Variants in NOL8 observed in about 807,000 individuals in gnomAD.
NOL8 encodes nucleolar protein 8, also known as nucleolar protein Nop132.
Under a neutral mutation model 116.1 loss-of-function variants are expected in NOL8, and 93 were observed. That is an observed-to-expected ratio of 0.80 (90% CI 0.68 to 0.95). NOL8 has a LOEUF of 0.95. Among genes scored for constraint, NOL8 ranks in the 40% least tolerant of loss-of-function variants. The probability of loss-of-function intolerance (pLI) is 0.00; values close to 1 mark genes in which losing one functional copy is unlikely to be tolerated. For missense variants in NOL8, 1,291 were observed against 1,382.8 expected (o/e 0.93, Z 1.05); for synonymous variants, 419 against 469.0 (o/e 0.89, Z 1.38).
rs1436673983 is a variant in NOL8 at position 92,297,720 on chromosome 9, G to A, written c.*116C>T. 13 of 743,100 alleles carry A rather than the reference G, an allele frequency of 1.7e-5. No individual in the cohort carries two copies. Among genetic ancestry groups the A allele is most frequent in the Non-Finnish European group, 2.8e-5 (13 of 465,202 alleles). The allele number at this position is 743,100 out of a possible 1,614,324, so 46.0% of individuals were successfully genotyped here. ...AACCAGAATGATATTCCGTCAGCCA[G>A]ATTTTTAAAATTCCTTCACTCTGAA... is the stretch of plus-strand genomic sequence containing the variant. On this transcript the variant is annotated 3_prime_UTR_variant, in exon 17 of 17. Transcript: ENST00000442668.
chr9:92,317,099 T>C (rs1291905505), intron 6 of NOL8, among the ~76,000 whole-genome samples: 1 of 152,174 alleles, frequency 6.6e-6, no homozygotes, highest in Non-Finnish European at 1.5e-5. Context: ...ACCACAGGCA[T>C]GTGCCACCGG....
chr9:92,320,654 T>C (rs1487397066), intron 4 of NOL8, among the ~76,000 whole-genome samples: 3 of 152,056 alleles, frequency 2.0e-5, no homozygotes, highest in Non-Finnish European at 4.4e-5. Context: ...TTGCCCAGGC[T>C]GGAGTGCAAT....
chr9:92,304,325 T>C (rs922566844), intron 12 of NOL8, among the ~76,000 whole-genome samples: 2 of 152,238 alleles, frequency 1.3e-5, no homozygotes, highest in Non-Finnish European at 2.9e-5. Context: ...GTACCTATAG[T>C]GGTTATCCAA....
At chr9:92,316,268 T>G (rs1011744526) in intron 6 of NOL8, 130 bp from the exon 7 acceptor site, 7 of 1,008,528 alleles carry the variant, frequency 6.9e-6, no homozygotes, top group Non-Finnish European at 8.5e-6. Flanking sequence ...TAAAAGAAAA[T>G]GAGGACTTAA....
chr9:92,316,242 C>G (rs1564236432), intron 6 of NOL8, 104 bp from the exon 7 acceptor site: 7 of 1,244,872 alleles, frequency 5.6e-6, no homozygotes, highest in South Asian at 1.6e-5. Context: ...CATTTCCCCC[C>G]CCTTTCAGTT....
intron 8 of NOL8, 22 bp from the exon 9 acceptor site, chr9:92,310,697 A>G: frequency 1.9e-6 from 3 of 1,585,690 alleles, no homozygotes; most frequent in Middle Eastern, 3.4e-4. Flanking sequence ...CACAACATTT[A>G]TTAATAGCAG....
intron 10 of NOL8, among the ~76,000 whole-genome samples, chr9:92,309,586 G>A (rs752561377): frequency 1.3e-5 from 2 of 152,088 alleles, no homozygotes; most frequent in African/African-American, 2.4e-5. Context: ...GAGGTAAGGT[G>A]TTTTTAAAAG....
Position 92,298,344 on chromosome 9 carries a change from G to A in NOL8, c.3374-8C>T, listed in dbSNP as rs1378939747. ...TCCAGAATAAGTCAGAACCTATTAGGGGAAAAAGAAGAAAGATGAGGCAGC... is the reference window on the plus strand; with the variant it reads ...TCCAGAATAAGTCAGAACCTATTAGAGGAAAAAGAAGAAAGATGAGGCAGC... On this transcript the variant is annotated splice_polypyrimidine_tract_variant and splice_region_variant and intron_variant, in intron 15 of 16. Coordinates refer to ENST00000442668, the MANE Select transcript of NOL8 (RefSeq NM_017948.6). The A allele has an allele frequency of 6.3e-7, 1 of 1,581,170 alleles. No individual in the cohort carries two copies. The highest frequency in any genetic ancestry group is 1.2e-5 in the South Asian group (1 of 85,790).
At chr9:92,299,801 T>G (rs745868958) in intron 14 of NOL8, 89 bp downstream of exon 14, 84 of 1,347,486 alleles carry the variant, frequency 6.2e-5, no homozygotes, top group Non-Finnish European at 8.2e-5. Flanking sequence ...TTAGTTGTCA[T>G]GTGAAGAGAA....
At chr9:92,299,736 A>C (rs893095321) in intron 14 of NOL8, among the ~76,000 whole-genome samples, 154 bp downstream of exon 14, 3 of 151,936 alleles carry the variant, frequency 2.0e-5, no homozygotes, top group Non-Finnish European at 4.4e-5. Flanking sequence ...TGGGCGACAG[A>C]GCAACACTCC....
Position 92,324,074 on chromosome 9 carries a change from T to C in NOL8, c.88A>G (p.Arg30Gly). The change falls in exon 2 of 17, where the codon AGA becomes GGA. Residue 30 changes from arginine (R) to glycine (G), a missense_variant. By Grantham distance (125) the Arg-to-Gly change is moderately radical (BLOSUM62 -2). Transcript: ENST00000442668. ...TCCACATCCGAAACTTCTCCAAATC[T>C]GCTGAACTGATTTTGTAGGTCTGCC... ...SEADLQNQFS[R>G]FGEVSDVEII... 6.2e-7 allele frequency: 1 copy of C among 1,614,054 alleles called. No individual in the cohort carries two copies. Among genetic ancestry groups the C allele is most frequent in the Non-Finnish European group, 8.5e-7 (1 of 1,179,886 alleles).
At chr9:92,317,861 C>T (rs995103880) in intron 6 of NOL8, among the ~76,000 whole-genome samples, 2 of 151,114 alleles carry the variant, frequency 1.3e-5, no homozygotes, top group Non-Finnish European at 3.0e-5. Flanking sequence ...GGTGAAACCC[C>T]GTCTCTAGTA....
At chr9:92,300,639 C>A in intron 13 of NOL8, 12 of 1,011,730 alleles carry the variant, frequency 1.2e-5, no homozygotes, top group Non-Finnish European at 1.4e-5. Context: ...TTACATCATG[C>A]CAACTCTACT....
chr9:92,324,375 A>C (rs1840251078), intron 1 of NOL8, 166 bp from the exon 2 acceptor site: 10 of 530,814 alleles, frequency 1.9e-5, no homozygotes, highest in Middle Eastern at 1.0e-3. Context: ...CCCTACATCC[A>C]CATCTTTCAT....
In NOL8 at chr9:92,311,212, G is replaced by A. The variant is rs1233395592; in HGVS notation, c.2406C>T (p.Asp802=). ...DKPTHIIFGS[D]SECETEETST... is the part of the protein sequence containing the mutation. ...ATGTCTCCTCTGTTTCACATTCACT[G>A]TCAGAACCGAAGATGATGTGCGTTG... Residue 802 remains aspartate, a synonymous_variant, in exon 8 of 17, where the codon GAC becomes GAT. Transcript: ENST00000442668. The A allele has an allele frequency of 1.2e-6, 2 of 1,613,864 alleles. No homozygotes were observed. The highest frequency in any genetic ancestry group is 1.1e-5 in the South Asian group (1 of 91,060).
intron 10 of NOL8, among the ~76,000 whole-genome samples, chr9:92,309,475 T>C (rs558635422): frequency 1.3e-5 from 2 of 151,544 alleles, no homozygotes; most frequent in Non-Finnish European, 2.9e-5. Flanking sequence ...AGGATTAAAA[T>C]GCAGATTAGA....
At position 92,311,145 on chromosome 9, in the gene NOL8, C is replaced by G. The variant is rs1838742990; in HGVS notation, c.2472+1G>C. 8.7e-6 allele frequency: 14 copies of G among 1,609,148 alleles called. No homozygotes were observed. The highest frequency in any genetic ancestry group is 1.2e-5 in the Non-Finnish European group (14 of 1,175,822). On this transcript the variant is annotated splice_donor_variant, in intron 8 of 16. Coordinates refer to ENST00000442668, the MANE Select transcript of NOL8 (RefSeq NM_017948.6). LOFTEE classifies it high-confidence loss of function. ...CCACAGAGACATCCTGAACTTCTTACTTTCACCCATTCCTCTCCTGGATGG... is the reference window on the plus strand; with the variant it reads ...CCACAGAGACATCCTGAACTTCTTAGTTTCACCCATTCCTCTCCTGGATGG...
At position 92,315,870 on chromosome 9, in the gene NOL8, T is replaced by C. The variant is rs1839352589; in HGVS notation, c.755A>G (p.Gln252Arg). The C allele has an allele frequency of 6.2e-7, 1 of 1,613,832 alleles. No individual in the cohort carries two copies. Among genetic ancestry groups the C allele is most frequent in the African/African-American group, 1.3e-5 (1 of 74,914 alleles). The change falls in exon 7 of 17, where the codon CAG (glutamine) becomes CGG (arginine). Residue 252 changes from glutamine (Q) to arginine (R), a missense_variant. Physicochemically the swap from Gln to Arg is conservative, Grantham distance 43. Transcript: ENST00000442668. ...VIERPPLTQQ[Q>R]AAQKRTCDSI... ...ATCACAAGTTCTTTTTTGTGCAGCC[T>C]GTTGCTGTGTTAAGGGTGGTCTCTC...
chr9:92,298,982 A>G (rs1363736231), intron 14 of NOL8, 28 bp from the exon 15 acceptor site: 2 of 1,292,846 alleles, frequency 1.5e-6, no homozygotes, highest in East Asian at 5.2e-5. Context: ...AAGGAGAGAG[A>G]AAAATAGGTA....
Sources: allele counts gnomAD v4.1 joint callset (sites outside exome capture counted in the v4.1 genomes callset), GRCh38; gene constraint gnomAD v4.1.1; transcripts MANE v1.5; gene names NCBI Gene and HGNC (gene_info 2026-07-23, HGNC 2026-07-21).